Variants in SPATA6 observed in about 807,000 individuals in gnomAD.
SPATA6 encodes spermatogenesis associated 6, also known as spermatogenesis-associated protein 6.
In SPATA6, 56 loss-of-function variants were observed where a neutral mutation model predicts 65.3. The ratio of observed to expected loss-of-function variants is 0.86; its 90% confidence interval spans 0.69 to 1.07. The LOEUF (loss-of-function observed/expected upper bound fraction) is 1.07. Ranked by LOEUF, SPATA6 falls within the 50% of genes least tolerant of loss-of-function variation. SPATA6 has a pLI of 0.00. For synonymous variants in SPATA6, 199 were observed against 213.2 expected (o/e 0.93, Z 0.58); for missense variants, 590 against 594.8 (o/e 0.99, Z 0.08).
intron 7 of SPATA6, among the ~76,000 whole-genome samples, chr1:48,397,753 T>A (rs989577862): frequency 6.6e-6 from 1 of 151,760 alleles, no homozygotes; most frequent in East Asian, 1.9e-4. Context: ...TATTTAATAA[T>A]GTAAGCAATC....
rs1220632688 is a variant in SPATA6 at position 48,355,761 on chromosome 1, G to A, written c.1103C>T (p.Ser368Phe). 6.2e-7 allele frequency: 1 copy of A among 1,611,140 alleles called. No homozygotes were observed. The highest frequency in any genetic ancestry group is 2.2e-5 in the East Asian group (1 of 44,794). The change falls in exon 11 of 13, where the codon TCT (serine) becomes TTT (phenylalanine). Residue 368 changes from serine to phenylalanine, a missense_variant. Ser to Phe is a radical substitution (Grantham distance 155). Transcript: ENST00000371847. ...GCAGTTTGAAGGTGAACACCAATCA[G>A]AATGAAATCTGTAGGCAAAAAATAA... ...NRASLRERFH[S>F]DWCSPSNCDE...
At chr1:48,359,562 G>C (rs762386622) in intron 10 of SPATA6, 24 bp downstream of exon 10, 2 of 1,609,116 alleles carry the variant, frequency 1.2e-6, no homozygotes, top group Non-Finnish European at 1.7e-6. Context: ...GATCAGTACA[G>C]AAATGAAGAC....
chr1:48,302,301 T>C (rs1644958265), intron 12 of SPATA6, among the ~76,000 whole-genome samples: 1 of 152,206 alleles, frequency 6.6e-6, no homozygotes, highest in South Asian at 2.1e-4. Context: ...TTTCAGCTTT[T>C]AGTGTACTCA....
At chr1:48,379,505 A>AGG (rs1648303862) in intron 9 of SPATA6, among the ~76,000 whole-genome samples, 1 of 152,208 alleles carries the variant, frequency 6.6e-6, no homozygotes, top group African/African-American at 2.4e-5. Context: ...TGTTGGTCAA[A>AGG]GGGTACAAAG....
intron 3 of SPATA6, among the ~76,000 whole-genome samples, chr1:48,418,852 A>G (rs1570513437): frequency 8.6e-6 from 1 of 116,590 alleles, no homozygotes; most frequent in African/African-American, 3.3e-5. Flanking sequence ...AGGAGAGGAG[A>G]GGGGAGGGGA....
chr1:48,353,586 G>A (rs144166849), intron 11 of SPATA6, among the ~76,000 whole-genome samples: 3,114 of 151,880 alleles, frequency 0.021, 35 homozygotes, highest in Non-Finnish European at 0.03. Context: ...TGTGAAACAA[G>A]GAATATTACT....
chr1:48,455,914 G>A (rs1220042714), intron 1 of SPATA6, among the ~76,000 whole-genome samples: 1 of 152,056 alleles, frequency 6.6e-6, no homozygotes, highest in Non-Finnish European at 1.5e-5. Context: ...CAAAAAGAAA[G>A]CCAGAAAAGG....
intron 8 of SPATA6, chr1:48,393,439 T>C (rs982846331): frequency 6.6e-6 from 1 of 152,138 alleles, no homozygotes. Flanking sequence ...ACTAAGGAAC[T>C]AATCCATATT....
chr1:48,358,102 C>G (rs898292396), intron 10 of SPATA6, among the ~76,000 whole-genome samples: 3 of 152,030 alleles, frequency 2.0e-5, no homozygotes, highest in African/African-American at 7.2e-5. Flanking sequence ...AAGCCCTTCC[C>G]CACACTGAAA....
chr1:48,411,530 T>C lies in SPATA6; in HGVS notation c.339A>G (p.Pro113=), dbSNP rs778194621. 1.2e-6 allele frequency: 2 copies of C among 1,612,208 alleles called. No individual in the cohort carries two copies. Among genetic ancestry groups the C allele is most frequent in the African/African-American group, 1.3e-5 (1 of 75,028 alleles). The change falls in exon 5 of 13, where the codon CCA becomes CCG. Residue 113 remains proline (P), a synonymous_variant. Coordinates refer to ENST00000371847, the MANE Select transcript of SPATA6 (RefSeq NM_019073.4). ...ENTRDFMFPG[P]NQMSGHHDSN... is the part of the protein sequence containing the mutation. ...AATCATGGTGTCCAGACATTTGGTT[T>C]GGACCCGGAAACATGAAATCTCGTG...
At chr1:48,456,939 T>C (rs1035104767) in intron 1 of SPATA6, among the ~76,000 whole-genome samples, 5 of 151,924 alleles carry the variant, frequency 3.3e-5, no homozygotes, top group African/African-American at 9.7e-5. Flanking sequence ...AGAAATAATA[T>C]ATGAAATCTT....
chr1:48,277,990 G>A, the SPATA6 span, among the ~76,000 whole-genome samples: 2 of 152,138 alleles, frequency 1.3e-5, no homozygotes, highest in Admixed American at 1.3e-4. Flanking sequence ...AAAACTTCCA[G>A]AGGAATGATC....
the SPATA6 span, among the ~76,000 whole-genome samples, chr1:48,267,814 C>A: frequency 3.1e-5 from 4 of 127,262 alleles, no homozygotes; most frequent in African/African-American, 5.7e-5. Context: ...GGCAGTGACA[C>A]GATCTCGGCT....
At chr1:48,468,963 T>C (rs1029298726) in intron 1 of SPATA6, among the ~76,000 whole-genome samples, 5 of 152,156 alleles carry the variant, frequency 3.3e-5, no homozygotes, top group Non-Finnish European at 7.3e-5. Flanking sequence ...TATTTACGTA[T>C]GTATTTATTT....
chr1:48,309,658 TATTC>T (rs1032035477), intron 11 of SPATA6, among the ~76,000 whole-genome samples: 3 of 152,210 alleles, frequency 2.0e-5, no homozygotes, highest in African/African-American at 7.2e-5. Context: ...GGACAGTTCC[TATTC>T]ATTGTTTTCT....
In SPATA6 at chr1:48,295,512, T is replaced by G. The variant is rs527663914; in HGVS notation, c.*3201A>C. 2 of 152,292 alleles carry G rather than the reference T, an allele frequency of 1.3e-5. No individual in the cohort carries two copies. The highest frequency in any genetic ancestry group is 2.1e-4 in the South Asian group (1 of 4,830). The allele number at this position is 152,292 out of a possible 1,614,324, so 9.4% of individuals were successfully genotyped here. A position where few individuals can be genotyped will look rare whatever the true frequency, so the allele number is the denominator to read the frequency against. On this transcript the variant is annotated 3_prime_UTR_variant, in exon 13 of 13. Transcript: ENST00000371847. ...TAGGTCACATGTTGTATGGTTCCAT[T>G]TATATGAAATGTCCAGAATAGGCAT...
rs528473442 is a variant in SPATA6, at chr1:48,402,031, G to A, written c.486+1771C>T. Reference sequence around the variant, plus strand: ...TTTACAGCAGCCTTATGAGGAACTCGAACCCAGATCTGTCTGTTTCTAGAA... The same window carrying A: ...TTTACAGCAGCCTTATGAGGAACTCAAACCCAGATCTGTCTGTTTCTAGAA... On this transcript the variant is annotated intron_variant, in intron 6 of 12. Transcript: ENST00000371847. 6.6e-5 allele frequency among the ~76,000 whole-genome samples: 10 copies of A among 152,124 alleles called. No individual in the cohort carries two copies. The East Asian group carries it at 9.6e-4, about 15-fold the overall frequency.
chr1:48,276,383 A>G, the SPATA6 span, among the ~76,000 whole-genome samples: 3,746 of 151,690 alleles, frequency 0.025, 98 homozygotes, highest in African/African-American at 0.067. Context: ...TAGCTTTTGA[A>G]TTTGTTTGCT....
chr1:48,271,103 T>C, the SPATA6 span, among the ~76,000 whole-genome samples: 1 of 152,050 alleles, frequency 6.6e-6, no homozygotes, highest in East Asian at 1.9e-4. Flanking sequence ...ACCAAGAAAT[T>C]TGCATTTAAT....
Sources: allele counts gnomAD v4.1 joint callset (sites outside exome capture counted in the v4.1 genomes callset), GRCh38; gene constraint gnomAD v4.1.1; transcripts MANE v1.5; gene names NCBI Gene and HGNC (gene_info 2026-07-23, HGNC 2026-07-21).